NFKB1: variants seen among roughly 807,000 people sequenced by gnomAD.
NFKB1 encodes the protein nuclear factor NF-kappa-B p105 subunit.
Under a neutral mutation model 105.1 loss-of-function variants are expected in NFKB1, and 9 were observed. The observed-to-expected ratio is 0.09, with a 90% confidence interval of 0.05 to 0.15. The LOEUF is 0.15. Ranked by LOEUF, NFKB1 falls within the 10% of genes least tolerant of loss-of-function variation. The pLI is 1.00. For synonymous variants in NFKB1, 440 were observed against 442.2 expected (o/e 1.00, Z 0.06); for missense variants, 830 against 1,203.7 (o/e 0.69, Z 4.59).
intron 1 of NFKB1, among the ~76,000 whole-genome samples, chr4:102,515,051 A>G (rs957019464): frequency 2.7e-5 from 4 of 149,970 alleles, no homozygotes; most frequent in Admixed American, 2.6e-4. Context: ...CAGTCTGATC[A>G]TCTCTGTCTT....
chr4:102,577,139 C>A, intron 7 of NFKB1, 100 bp downstream of exon 7: 4 of 1,230,228 alleles, frequency 3.3e-6, no homozygotes, highest in Non-Finnish European at 4.5e-6. Flanking sequence ...CAGTCTCTAC[C>A]CCACACTGCT....
chr4:102,537,986 G>T, intron 5 of NFKB1, 30 bp downstream of exon 5: 1 of 1,361,348 alleles, frequency 7.3e-7, no homozygotes, highest in South Asian at 1.2e-5. Context: ...CCTTCTATTT[G>T]AATTCTGGAA....
intron 5 of NFKB1, among the ~76,000 whole-genome samples, chr4:102,559,940 TAAAA>T (rs373643720): frequency 7.6e-6 from 1 of 130,798 alleles, no homozygotes; most frequent in African/African-American, 2.8e-5. Context: ...CCTGTCCCTT[TAAAA>T]AAAAAAAAAA....
intron 1 of NFKB1, among the ~76,000 whole-genome samples, chr4:102,506,704 C>T (rs1370708613): frequency 3.3e-5 from 5 of 152,048 alleles, no homozygotes; most frequent in African/African-American, 7.2e-5. Context: ...TGTCATTGTG[C>T]CCCCTGGGAA....
chr4:102,589,851 A>G (rs901670696), intron 11 of NFKB1, among the ~76,000 whole-genome samples: 4 of 152,202 alleles, frequency 2.6e-5, no homozygotes, highest in Admixed American at 2.0e-4. Context: ...ATAGAAAAAG[A>G]AGAGAAAGAA....
chr4:102,502,390 G>GCGCACACACACACACACA (rs1311577382), intron 1 of NFKB1, among the ~76,000 whole-genome samples: 16 of 105,396 alleles, frequency 1.5e-4, no homozygotes, highest in African/African-American at 6.2e-4. Flanking sequence ...GCGCGCGCGC[G>GCGCACACACACACACACA]CACACACACA....
chr4:102,536,164 A>G (rs1741622468), intron 4 of NFKB1, among the ~76,000 whole-genome samples: 1 of 152,102 alleles, frequency 6.6e-6, no homozygotes, highest in Admixed American at 6.6e-5. Context: ...ATGGTTTTAG[A>G]AATTTCATTT....
chr4:102,527,283 C>T (rs1740983774), intron 2 of NFKB1, among the ~76,000 whole-genome samples: 1 of 152,134 alleles, frequency 6.6e-6, no homozygotes, highest in Admixed American at 6.6e-5. Flanking sequence ...TAGGTGCTAC[C>T]TTGGAGGAAG....
Position 102,507,423 on chromosome 4 carries a change from A to G in NFKB1, c.-8+5635A>G, listed in dbSNP as rs531570523. 3.3e-5 allele frequency among the ~76,000 whole-genome samples: 5 copies of G among 151,816 alleles called. No homozygotes were observed. In the South Asian group the frequency reaches 1.0e-3, roughly 32 times the overall value. ...TCATATTGGAAAATAAAGCTATTAGATTTTTCTTTGAGATGAACCTTTTTT... is the reference window on the plus strand; with the variant it reads ...TCATATTGGAAAATAAAGCTATTAGGTTTTTCTTTGAGATGAACCTTTTTT... On this transcript the variant is annotated intron_variant, in intron 1 of 23. Coordinates refer to ENST00000226574, the MANE Select transcript of NFKB1 (RefSeq NM_003998.4).
At chr4:102,530,054 A>G in intron 3 of NFKB1, 140 bp downstream of exon 3, 2 of 629,216 alleles carry the variant, frequency 3.2e-6, no homozygotes, top group Admixed American at 6.3e-5. Flanking sequence ...CAATCTTTTA[A>G]CATACTTTCT....
At chr4:102,567,391 A>G (rs1723966593) in intron 6 of NFKB1, among the ~76,000 whole-genome samples, 1 of 152,184 alleles carries the variant, frequency 6.6e-6, no homozygotes, top group African/African-American at 2.4e-5. Flanking sequence ...AGGTGGCCCA[A>G]TTTGGATGAT....
chr4:102,604,758 C>T (rs1727539274), intron 16 of NFKB1, among the ~76,000 whole-genome samples: 2 of 151,834 alleles, frequency 1.3e-5, no homozygotes, highest in South Asian at 4.2e-4. Flanking sequence ...CACTTATGTC[C>T]TCTTGTGGAT....
At chr4:102,531,778 G>A (rs931987644) in intron 3 of NFKB1, among the ~76,000 whole-genome samples, 1 of 152,132 alleles carries the variant, frequency 6.6e-6, no homozygotes, top group Non-Finnish European at 1.5e-5. Flanking sequence ...ATATTTAAAG[G>A]AAATTAAATC....
intron 5 of NFKB1, among the ~76,000 whole-genome samples, chr4:102,546,244 G>T (rs1181604446): frequency 1.3e-5 from 2 of 151,930 alleles, no homozygotes; most frequent in African/African-American, 4.8e-5. Context: ...AAGAAGATTG[G>T]TTAACACCTG....
At chr4:102,526,624 G>A (rs1740931218) in intron 2 of NFKB1, among the ~76,000 whole-genome samples, 1 of 152,084 alleles carries the variant, frequency 6.6e-6, no homozygotes, top group South Asian at 2.1e-4. Flanking sequence ...CAGCTCCTCA[G>A]ACTTGAAGAA....
intron 4 of NFKB1, among the ~76,000 whole-genome samples, chr4:102,536,872 C>T (rs531329999): frequency 6.6e-6 from 1 of 152,300 alleles, no homozygotes; most frequent in South Asian, 2.1e-4. Flanking sequence ...GCTTAAGCGA[C>T]TATGTGGTTA....
intron 1 of NFKB1, among the ~76,000 whole-genome samples, chr4:102,508,309 A>G (rs1490993047): frequency 6.6e-6 from 1 of 152,222 alleles, no homozygotes; most frequent in East Asian, 1.9e-4. Flanking sequence ...TTCATGATTT[A>G]TAAAATTAAA....
rs1267058231 is a variant in NFKB1 at position 102,616,521 on chromosome 4, G to A, written c.2837G>A (p.Gly946Asp). Residue 946 changes from glycine to aspartate, a missense_variant, in exon 24 of 24, where the codon GGT becomes GAT. This residue lies in a region of NFKB1 where 418 missense variants were observed against 575.3 expected (regional missense o/e 0.73). Transcript: ENST00000226574. The stretch of plus-strand genomic sequence containing the variant: ...AGCTTTACCGAGTCTCTGACCAGTG[G>A]TGCCTCACTGCTAACTCTCAACAAA... The part of the protein sequence containing the change: ...KLSFTESLTS[G>D]ASLLTLNKMP... The A allele has an allele frequency of 1.2e-6, 2 of 1,613,998 alleles. No individual in the cohort carries two copies. The highest frequency in any genetic ancestry group is 2.7e-5 in the African/African-American group (2 of 74,890).
rs547501407 is a variant in NFKB1, at chr4:102,583,636, T to C, written c.927+679T>C. On this transcript the variant is annotated intron_variant, in intron 10 of 23. Transcript: ENST00000226574. Reference sequence around the variant, plus strand: ...TTAAAAGGGTGTTCTAGGAGTCATCTTCTAATTGAAGCTGATGTCATCCTG... The same window carrying C: ...TTAAAAGGGTGTTCTAGGAGTCATCCTCTAATTGAAGCTGATGTCATCCTG... Among the ~76,000 whole-genome samples, 3 of 152,350 alleles carry C rather than the reference T, an allele frequency of 2.0e-5. No homozygotes were observed. In the South Asian group the frequency reaches 6.2e-4, roughly 32 times the overall value.
Sources: gnomAD v4.1 joint callset for allele counts (sites outside exome capture counted in the v4.1 genomes callset) on GRCh38, gnomAD v4.1.1 for gene constraint, gnomAD v4.1.1 regional missense constraint, MANE v1.5 for transcripts, NCBI Gene and HGNC (gene_info 2026-07-23, HGNC 2026-07-21) for gene names.